TRAPPC8: variants seen among roughly 807,000 people sequenced by gnomAD.
TRAPPC8 encodes the protein trafficking protein particle complex subunit 8, also known as general sporulation gene 1 homolog.
A neutral mutation model predicts 174.3 loss-of-function variants in TRAPPC8; 54 were observed. The ratio of observed to expected loss-of-function variants is 0.31; its 90% confidence interval spans 0.25 to 0.39. TRAPPC8 has a LOEUF of 0.39. Ranked by LOEUF, TRAPPC8 falls within the 10% of genes least tolerant of loss-of-function variation. TRAPPC8 has a pLI of 1.00. For missense variants in TRAPPC8, 1,531 were observed against 1,699.1 expected, an observed-to-expected ratio of 0.90 and a Z score of 1.74; for synonymous variants, 630 against 579.9, an observed-to-expected ratio of 1.09 and a Z score of -1.24.
intron 1 of TRAPPC8, among the ~76,000 whole-genome samples, chr18:31,938,080 G>A (rs2038180409): frequency 6.6e-6 from 1 of 152,098 alleles, no homozygotes; most frequent in African/African-American, 2.4e-5. Flanking sequence ...TAGTGTTTAA[G>A]TGAAATTTTC....
chr18:31,917,079 T>A (rs1405626047), intron 3 of TRAPPC8, among the ~76,000 whole-genome samples: 1 of 151,708 alleles, frequency 6.6e-6, no homozygotes, highest in East Asian at 1.9e-4. Context: ...CTCCACTCTA[T>A]CTCACTGCAG....
chr18:31,926,439 G>C (rs1299056736), intron 2 of TRAPPC8: 3 of 151,146 alleles, frequency 2.0e-5, no homozygotes, highest in Non-Finnish European at 4.4e-5. Context: ...ACTAGCAACA[G>C]ACACAAAGAA....
chr18:31,894,892 A>G (rs905974849), intron 11 of TRAPPC8, among the ~76,000 whole-genome samples: 10 of 152,248 alleles, frequency 6.6e-5, no homozygotes, highest in Admixed American at 4.6e-4. Flanking sequence ...AAAATGGGTT[A>G]TAAGACCAGA....
chr18:31,849,639 T>A lies in TRAPPC8; in HGVS notation c.3662A>T (p.Gln1221Leu). 1 of 1,613,294 alleles carries A rather than the reference T, an allele frequency of 6.2e-7. No individual in the cohort carries two copies. The part of the protein sequence containing the change: ...QAHLPVHTEK[Q>L]STEDAVRLIQ... ...CAATCTCACAGCATCCTCTGTTGAC[T>A]GTTTTTCTGTATGCACAGGCAAGTG... Residue 1221 changes from glutamine (Q) to leucine (L), a missense_variant, in exon 25 of 29, where the codon CAG (glutamine) becomes CTG (leucine). Transcript: ENST00000283351.
Position 31,850,617 on chromosome 18 carries a change from A to G in TRAPPC8, c.3562-878T>C, listed in dbSNP as rs531426446. On this transcript the variant is annotated intron_variant, in intron 24 of 28. Coordinates refer to ENST00000283351, the MANE Select transcript of TRAPPC8 (RefSeq NM_014939.5). ...GTTTCCTGTATTACAGGCTATGTAT[A>G]TATCATGTAGATGTTAAACTTCAAG... Among the ~76,000 whole-genome samples, 5 of 152,328 alleles carry G rather than the reference A, an allele frequency of 3.3e-5. No individual in the cohort carries two copies. In the South Asian group the frequency reaches 6.2e-4, roughly 19 times the overall value.
chr18:31,942,362 C>G (rs1008056398), intron 1 of TRAPPC8, among the ~76,000 whole-genome samples: 1 of 152,196 alleles, frequency 6.6e-6, no homozygotes, highest in Non-Finnish European at 1.5e-5. Context: ...AATTACTTAA[C>G]GACCTAGGTT....
At chr18:31,917,738 G>T in intron 2 of TRAPPC8, 71 bp from the exon 3 acceptor site, 1 of 1,386,092 alleles carries the variant, frequency 7.2e-7, no homozygotes, top group Admixed American at 2.2e-5. Context: ...AAAATTTCAA[G>T]TCCATATTCC....
chr18:31,914,315 G>A (rs369866388), intron 4 of TRAPPC8, among the ~76,000 whole-genome samples: 2 of 152,296 alleles, frequency 1.3e-5, no homozygotes, highest in East Asian at 3.9e-4. Flanking sequence ...TTGTATAAAT[G>A]CAGATGCATG....
At chr18:31,937,208 G>A (rs1359459270) in intron 1 of TRAPPC8, among the ~76,000 whole-genome samples, 3 of 152,126 alleles carry the variant, frequency 2.0e-5, no homozygotes, top group African/African-American at 4.8e-5. Flanking sequence ...GCGAGACTCC[G>A]TCTCAAAAAA....
intron 26 of TRAPPC8, among the ~76,000 whole-genome samples, chr18:31,840,348 C>G (rs1463971090): frequency 6.9e-6 from 1 of 144,906 alleles, no homozygotes; most frequent in Non-Finnish European, 1.5e-5. Flanking sequence ...CAGAATGTGG[C>G]TCTGCCTCAA....
rs768147101 is a variant in TRAPPC8, at chr18:31,943,055, G to C, written c.-291C>G. ...ACAGTCACCACTTAGTCCTTCGGAC[G>C]GCAAAACCTTGGTCACTGCCCGGCC... On this transcript the variant is annotated 5_prime_UTR_variant, in exon 1 of 29. Coordinates refer to ENST00000283351, the MANE Select transcript of TRAPPC8 (RefSeq NM_014939.5). The C allele has an allele frequency of 5.9e-6, 3 of 508,782 alleles. No individual in the cohort carries two copies. In the East Asian group the frequency reaches 1.1e-4, roughly 18 times the overall value. 31.5% of individuals were successfully genotyped at this position (508,782 alleles called of 1,614,324 possible).
chr18:31,838,183 C>T (rs1401418372), intron 27 of TRAPPC8, among the ~76,000 whole-genome samples: 3 of 152,176 alleles, frequency 2.0e-5, no homozygotes. Context: ...CTGTCAAGGT[C>T]TTAATTTTGC....
intron 19 of TRAPPC8, among the ~76,000 whole-genome samples, chr18:31,859,111 CAAA>C (rs2034191469): frequency 6.6e-6 from 1 of 151,698 alleles, no homozygotes; most frequent in Non-Finnish European, 1.5e-5. Context: ...AACAAACAAA[CAAA>C]CAAAAAAACA....
rs746217831 is a variant in TRAPPC8, at chr18:31,839,404, A to C, written c.3891T>G (p.Val1297=). 1 of 1,611,868 alleles carries C rather than the reference A, an allele frequency of 6.2e-7. No individual in the cohort carries two copies. Among genetic ancestry groups the C allele is most frequent in the Admixed American group, 1.7e-5 (1 of 59,830 alleles). ...LKFFRPENIT[V]SSRPSVEQLS... ...GCTGCTCTACTGATGGCCTTGAGGA[A>C]ACTGTAATGTTTTCTGGCCTGAAAA... The change falls in exon 27 of 29, where the codon GTT becomes GTG. Residue 1297 remains valine, a synonymous_variant. Transcript: ENST00000283351.
At position 31,864,636 on chromosome 18, in the gene TRAPPC8, T is replaced by C. The variant is rs1330030026; in HGVS notation, c.2736A>G (p.Pro912=). The change falls in exon 19 of 29, where the codon CCA becomes CCG. Residue 912 remains proline, a synonymous_variant. Transcript: ENST00000283351. ...RLDPIITEEM[P]LLEVFFIHFP... ...TTAAAAAGTGAAATACCTCCAACAG[T>C]GGCATTTCTTCTGTGATTATGGGAT... 1 of 1,611,828 alleles carries C rather than the reference T, an allele frequency of 6.2e-7. No homozygotes were observed. Among genetic ancestry groups the C allele is most frequent in the Admixed American group, 1.7e-5 (1 of 59,640 alleles).
intron 9 of TRAPPC8, among the ~76,000 whole-genome samples, chr18:31,905,918 T>C (rs1379780095): frequency 1.3e-5 from 2 of 152,198 alleles, no homozygotes; most frequent in African/African-American, 4.8e-5. Context: ...ACCTAGGTTA[T>C]AAGGTATTAA....
intron 9 of TRAPPC8, among the ~76,000 whole-genome samples, chr18:31,902,488 G>T (rs973896648): frequency 6.6e-6 from 1 of 152,206 alleles, no homozygotes; most frequent in Non-Finnish European, 1.5e-5. Context: ...GTGGGAGGTT[G>T]AATAGTCAGT....
At chr18:31,886,344 GGAAAAA>G (rs1284946861) in intron 12 of TRAPPC8, among the ~76,000 whole-genome samples, 3 of 71,244 alleles carry the variant, frequency 4.2e-5, no homozygotes, top group South Asian at 7.9e-4. Flanking sequence ...TGTTTCTTGA[GGAAAAA>G]AAAAAAAAAA....
chr18:31,874,399 C>G (rs2035039376), intron 13 of TRAPPC8, 81 bp downstream of exon 13: 1 of 1,367,410 alleles, frequency 7.3e-7, no homozygotes, highest in African/African-American at 1.5e-5. Flanking sequence ...ATAAAACTAT[C>G]GTAAGATATG....
Sources: allele counts gnomAD v4.1 joint callset (sites outside exome capture counted in the v4.1 genomes callset), GRCh38; gene constraint gnomAD v4.1.1; transcripts MANE v1.5; gene names NCBI Gene and HGNC (gene_info 2026-07-23, HGNC 2026-07-21).